Variants in PPARGC1A observed in about 807,000 individuals in gnomAD.
PPARGC1A encodes the protein peroxisome proliferator-activated receptor gamma coactivator 1-alpha.
PPARGC1A carries 25 observed loss-of-function variants against 88.7 expected under a neutral mutation model. That is an observed-to-expected ratio of 0.28 (90% confidence interval 0.21 to 0.39). The LOEUF is 0.39. PPARGC1A is among the 10% of genes least tolerant of loss of function. The pLI, the probability that PPARGC1A is intolerant of heterozygous loss-of-function variation, is 1.00. For missense variants in PPARGC1A, 880 were observed against 968.7 expected, an observed-to-expected ratio of 0.91 and a Z score of 1.22; for synonymous variants, 363 against 355.6, an observed-to-expected ratio of 1.02 and a Z score of -0.24.
chr4:24,186,819 A>T, the PPARGC1A span, among the ~76,000 whole-genome samples: 11 of 152,052 alleles, frequency 7.2e-5, no homozygotes, highest in Non-Finnish European at 1.2e-4. Flanking sequence ...GCAAAAAAAA[A>T]ATGAAAATAA....
chr4:23,889,016 G>T, intron 1 of PPARGC1A: 1 of 985,404 alleles, frequency 1.0e-6, no homozygotes, highest in South Asian at 4.7e-5. Flanking sequence ...TGTGCTGAAT[G>T]CAAACACGCC....
intron 2 of PPARGC1A, among the ~76,000 whole-genome samples, chr4:23,837,513 C>T (rs1482327780): frequency 6.6e-6 from 1 of 152,074 alleles, no homozygotes; most frequent in Non-Finnish European, 1.5e-5. Context: ...TGAACAGGAT[C>T]TACCACAGAC....
the PPARGC1A span, among the ~76,000 whole-genome samples, chr4:24,080,216 A>G: frequency 0.022 from 3,397 of 152,134 alleles, 133 homozygotes; most frequent in African/African-American, 0.072. Context: ...AATCTACCTT[A>G]TATCTATTCT....
At chr4:24,040,217 TTCCAA>T in the PPARGC1A span, among the ~76,000 whole-genome samples, 1 of 152,206 alleles carries the variant, frequency 6.6e-6, no homozygotes, top group African/African-American at 2.4e-5. Context: ...ATGCTACCTG[TTCCAA>T]TCCAGCCACA....
the PPARGC1A span, among the ~76,000 whole-genome samples, chr4:23,986,824 C>T: frequency 6.6e-6 from 1 of 151,958 alleles, no homozygotes; most frequent in Non-Finnish European, 1.5e-5. Context: ...CATTATTGAG[C>T]CTCCACGTTA....
At chr4:23,845,046 C>T (rs1446394342) in intron 2 of PPARGC1A, among the ~76,000 whole-genome samples, 2 of 150,960 alleles carry the variant, frequency 1.3e-5, no homozygotes, top group Non-Finnish European at 2.9e-5. Flanking sequence ...TCATGGTTTA[C>T]GTATAGGTAT....
the PPARGC1A span, among the ~76,000 whole-genome samples, chr4:24,103,558 G>A: frequency 7.3e-6 from 1 of 137,546 alleles, no homozygotes; most frequent in East Asian, 2.1e-4. Flanking sequence ...TACTCACAAA[G>A]TTGTTTTGCT....
At chr4:24,262,822 C>T in the PPARGC1A span, among the ~76,000 whole-genome samples, 1,970 of 152,056 alleles carry the variant, frequency 0.013, 52 homozygotes, top group East Asian at 0.12. Context: ...GCTGGGCAAG[C>T]GATGGCTGTG....
At chr4:24,407,609 G>A in the PPARGC1A span, among the ~76,000 whole-genome samples, 14 of 152,224 alleles carry the variant, frequency 9.2e-5, no homozygotes, top group South Asian at 8.3e-4. Context: ...GCTCTCTTTC[G>A]CTCAGACCTA....
upstream of PPARGC1A, among the ~76,000 whole-genome samples, chr4:23,907,009 T>C (rs1720124488): frequency 6.6e-6 from 1 of 152,140 alleles, no homozygotes; most frequent in Admixed American, 6.5e-5. Context: ...AGTGCCTGGG[T>C]CACCTGGCAG....
At chr4:23,938,238 TTGAG>T in the PPARGC1A span, among the ~76,000 whole-genome samples, 2 of 152,190 alleles carry the variant, frequency 1.3e-5, no homozygotes, top group Non-Finnish European at 2.9e-5. Flanking sequence ...TTTGGGTATC[TTGAG>T]TAAGAATTGT....
the PPARGC1A span, among the ~76,000 whole-genome samples, chr4:24,168,873 A>G: frequency 5.9e-5 from 9 of 152,242 alleles, no homozygotes; most frequent in Admixed American, 5.9e-4. Context: ...GCAAAATTCC[A>G]AAGAATTTAT....
chr4:24,085,016 T>A, the PPARGC1A span, among the ~76,000 whole-genome samples: 1 of 152,214 alleles, frequency 6.6e-6, no homozygotes, highest in Non-Finnish European at 1.5e-5. Flanking sequence ...ATTTACTCAC[T>A]TGATGGATGA....
chr4:24,137,107 C>T, the PPARGC1A span, among the ~76,000 whole-genome samples: 1 of 136,086 alleles, frequency 7.3e-6, no homozygotes, highest in African/African-American at 2.9e-5. Context: ...CAGCGAGACT[C>T]TGTCTCAAAA....
the PPARGC1A span, among the ~76,000 whole-genome samples, chr4:23,948,958 C>T: frequency 1.3e-5 from 2 of 152,102 alleles, no homozygotes; most frequent in Non-Finnish European, 2.9e-5. Flanking sequence ...CCCTTAGCAC[C>T]TATGAGAATC....
chr4:23,970,411 A>G, the PPARGC1A span, among the ~76,000 whole-genome samples: 3 of 152,196 alleles, frequency 2.0e-5, no homozygotes, highest in African/African-American at 4.8e-5. Context: ...CAGCCCTGCT[A>G]TTTTGCAACT....
the PPARGC1A span, among the ~76,000 whole-genome samples, chr4:24,196,918 G>A: frequency 6.6e-6 from 1 of 152,158 alleles, no homozygotes; most frequent in African/African-American, 2.4e-5. Context: ...GCTATAAATA[G>A]ATGACTTCTG....
chr4:23,889,372 G>A (rs887932726), intron 1 of PPARGC1A: 23 of 985,018 alleles, frequency 2.3e-5, no homozygotes, highest in Non-Finnish European at 2.8e-5. Context: ...GTGTTCTGTG[G>A]GAAAAGCAAT....
chr4:23,857,036 T>C (rs553793469), intron 2 of PPARGC1A, among the ~76,000 whole-genome samples: 1 of 152,304 alleles, frequency 6.6e-6, no homozygotes, highest in Non-Finnish European at 1.5e-5. Context: ...TTTCTACATA[T>C]ATTATTTGAA....
Sources: allele counts gnomAD v4.1 joint callset (sites outside exome capture counted in the v4.1 genomes callset), GRCh38; gene constraint gnomAD v4.1.1; transcripts MANE v1.5; gene names NCBI Gene and HGNC (gene_info 2026-07-23, HGNC 2026-07-21).